Variants in CAPN12 observed in about 807,000 individuals in gnomAD.
CAPN12 encodes the protein calpain-12.
CAPN12 carries 107 observed loss-of-function variants against 95.0 expected under a neutral mutation model. The ratio of observed to expected loss-of-function variants is 1.13; its 90% confidence interval spans 0.96 to 1.32. CAPN12 has a LOEUF of 1.32. Ranked by LOEUF, CAPN12 falls within the 40% of genes most tolerant of loss-of-function variation. The pLI is 0.00. For missense variants in CAPN12, 1,136 were observed against 997.8 expected (o/e 1.14, Z -1.87); for synonymous variants, 505 against 415.5 (o/e 1.22, Z -2.62).
rs145436226 is a variant in CAPN12, at chr19:38,743,949, C to T, written c.217G>A (p.Val73Met). Reference protein sequence around the residue: ...LGPDSEKAKGVKWMRPHEFCA... With the variant: ...LGPDSEKAKGMKWMRPHEFCA... ...TTTACATGGGGCCTCATCCATTTCACGCCTTTGGCCTTCTCCGAGTCCGGC... is the reference window on the plus strand; with the variant it reads ...TTTACATGGGGCCTCATCCATTTCATGCCTTTGGCCTTCTCCGAGTCCGGC... Residue 73 changes from valine (V) to methionine (M), a missense_variant, in exon 1 of 21, where the codon GTG becomes ATG. Transcript: ENST00000328867. 249 of 1,614,208 alleles carry T rather than the reference C, an allele frequency of 1.5e-4. 1 individual carries two copies. The highest frequency in any genetic ancestry group is 1.9e-4 in the Non-Finnish European group (229 of 1,180,020).
In CAPN12 at chr19:38,744,432, G is replaced by A. The variant is rs1053110516; in HGVS notation, c.-267C>T. ...GGAGAGAAGGCGGGCAGAGCTGAGGGAGGACCGGCTGCCGCTGTCAGAGCA... is the reference window on the plus strand; with the variant it reads ...GGAGAGAAGGCGGGCAGAGCTGAGGAAGGACCGGCTGCCGCTGTCAGAGCA... On this transcript the variant is annotated 5_prime_UTR_variant, in exon 1 of 21. Coordinates refer to ENST00000328867, the MANE Select transcript of CAPN12 (RefSeq NM_144691.4). 8 of 544,636 alleles carry A rather than the reference G, an allele frequency of 1.5e-5. No homozygotes were observed. Among genetic ancestry groups the A allele is most frequent in the African/African-American group, 9.4e-5 (5 of 52,928 alleles). 33.7% of individuals were successfully genotyped at this position (544,636 alleles called of 1,614,324 possible). A position where few individuals can be genotyped will look rare whatever the true frequency, so the allele number is the denominator to read the frequency against.
In CAPN12 at chr19:38,741,785, G is replaced by A; in HGVS notation, c.552C>T (p.Ala184=). 6.2e-7 allele frequency: 1 copy of A among 1,613,984 alleles called. No homozygotes were observed. The part of the protein sequence containing the change: ...NEFWAPLLEK[A]YAKLHGSYEV... Reference sequence around the variant, plus strand: ...GGAACTGGGGTCCTCACTTGGCGTAGGCCTTCTCCAGGAGTGGGGCCCAGA... The same window carrying A: ...GGAACTGGGGTCCTCACTTGGCGTAAGCCTTCTCCAGGAGTGGGGCCCAGA... Residue 184 remains alanine, a synonymous_variant, in exon 4 of 21, where the codon GCC becomes GCT. Transcript: ENST00000328867.
Position 38,735,365 on chromosome 19 carries a change from C to G in CAPN12, c.1686+5G>C, listed in dbSNP as rs1458194709. 37 of 1,586,126 alleles carry G rather than the reference C, an allele frequency of 2.3e-5. No homozygotes were observed. The highest frequency in any genetic ancestry group is 2.8e-5 in the Non-Finnish European group (33 of 1,164,302). On this transcript the variant is annotated splice_donor_5th_base_variant and intron_variant, in intron 14 of 20. Coordinates refer to ENST00000328867, the MANE Select transcript of CAPN12 (RefSeq NM_144691.4). ...ATACCCCCTCAGTCCAATCCCCCTC[C>G]TCACCTCTCCAGCCAGCTCCTGAAA...
intron 1 of CAPN12, 109 bp from the exon 2 acceptor site, chr19:38,743,211 G>C: frequency 7.9e-7 from 1 of 1,270,934 alleles, no homozygotes; most frequent in Non-Finnish European, 1.1e-6. Context: ...CCTGTGGGCA[G>C]GAGCATGGCT....
In CAPN12 at chr19:38,738,660, A is replaced by C. The variant is rs1400789497; in HGVS notation, c.730-12T>G. Reference sequence around the variant, plus strand: ...TCACCCCGATCACTCTGGGCAGGGGATGGGATGGTGAGGCCAAGGTAGGGG... The same window carrying C: ...TCACCCCGATCACTCTGGGCAGGGGCTGGGATGGTGAGGCCAAGGTAGGGG... On this transcript the variant is annotated splice_polypyrimidine_tract_variant and intron_variant, in intron 5 of 20. Transcript: ENST00000328867. The C allele has an allele frequency of 6.2e-7, 1 of 1,613,474 alleles. No homozygotes were observed. The highest frequency in any genetic ancestry group is 1.3e-5 in the African/African-American group (1 of 74,964).
Position 38,740,056 on chromosome 19 carries a change from C to A in CAPN12, c.724G>T (p.Ala242Ser). ...LAKESLVGAT[A>S]LSDRGEYRTE... Reference sequence around the variant, plus strand: ...TGCGAGTCCAGGTCTCTTACCAGGGCAGTGGCGCCCACGAGGGACTCCTTG... The same window carrying A: ...TGCGAGTCCAGGTCTCTTACCAGGGAAGTGGCGCCCACGAGGGACTCCTTG... Residue 242 changes from alanine (A) to serine (S), a missense_variant, in exon 5 of 21, where the codon GCC becomes TCC. Transcript: ENST00000328867. 6.3e-7 allele frequency: 1 copy of A among 1,585,712 alleles called. No individual in the cohort carries two copies. Among genetic ancestry groups the A allele is most frequent in the Non-Finnish European group, 8.6e-7 (1 of 1,165,090 alleles).
intron 14 of CAPN12, 54 bp downstream of exon 14, chr19:38,735,316 T>A: frequency 1.3e-6 from 2 of 1,481,872 alleles, no homozygotes. Flanking sequence ...GGAAGGGGGG[T>A]CCCCAAGGGG....
intron 18 of CAPN12, 71 bp downstream of exon 18, chr19:38,733,632 G>A: frequency 1.5e-6 from 2 of 1,368,736 alleles, no homozygotes; most frequent in Non-Finnish European, 2.1e-6. Flanking sequence ...GCTGAGCAGG[G>A]GGACTTGGAG....
intron 10 of CAPN12, chr19:38,736,784 G>A (rs1410726076): frequency 3.3e-6 from 2 of 605,196 alleles, no homozygotes; most frequent in Non-Finnish European, 5.7e-6. Flanking sequence ...CTGTATCCTT[G>A]GTCCCCTCTG....
intron 5 of CAPN12, chr19:38,739,008 A>C (rs1970390528): frequency 3.0e-6 from 1 of 332,930 alleles, no homozygotes; most frequent in Admixed American, 4.6e-5. Flanking sequence ...GGTGCACACC[A>C]GTGGTCCCAG....
intron 18 of CAPN12, among the ~76,000 whole-genome samples, chr19:38,731,986 G>A (rs149157707): frequency 0.024 from 3,585 of 152,358 alleles, 74 homozygotes; most frequent in Admixed American, 0.059. Context: ...CTCGGGCATA[G>A]GGGTGGAGGC....
chr19:38,740,355 C>G (rs1323298625), intron 4 of CAPN12, 136 bp from the exon 5 acceptor site: 9 of 970,976 alleles, frequency 9.3e-6, no homozygotes, highest in Non-Finnish European at 1.2e-5. Context: ...AGACTTTTTC[C>G]AGGGTCACCC....
intron 6 of CAPN12, 34 bp from the exon 7 acceptor site, chr19:38,738,537 G>A: frequency 1.2e-6 from 2 of 1,613,744 alleles, no homozygotes; most frequent in Non-Finnish European, 1.7e-6. Context: ...GTGATGCCTG[G>A]ACATGGCCTG....
Position 38,736,601 on chromosome 19 carries a change from A to C in CAPN12, c.1363-38T>G, listed in dbSNP as rs755800505. ...AGAGCAAGGGGCGTCGGGGCAGGGG[A>C]GAGGTGGCCGCCGCTCAGGGTCTCC... On this transcript the variant is annotated intron_variant, in intron 10 of 20. Coordinates refer to ENST00000328867, the MANE Select transcript of CAPN12 (RefSeq NM_144691.4). 3.2e-6 allele frequency: 5 copies of C among 1,585,080 alleles called. No individual in the cohort carries two copies. In the Admixed American group the frequency reaches 5.3e-5, roughly 17 times the overall value.
chr19:38,736,578 A>AGGGGAGAGAGGGGCGTCGGG lies in CAPN12; in HGVS notation c.1363-16_1363-15insCCCGACGCCCCTCTCTCCCC. 1.2e-6 allele frequency: 2 copies of AGGGGAGAGAGGGGCGTCGGG among 1,604,688 alleles called. No individual in the cohort carries two copies. Among genetic ancestry groups the AGGGGAGAGAGGGGCGTCGGG allele is most frequent in the Non-Finnish European group, 1.7e-6 (2 of 1,176,272 alleles). ...TCCTCTGGAATCTGAAAGAAGCAAG[A>AGGGGAGAGAGGGGCGTCGGG]GCAAGGGGCGTCGGGGCAGGGGAGA... On this transcript the variant is annotated splice_polypyrimidine_tract_variant and intron_variant, in intron 10 of 20. Transcript: ENST00000328867.
In CAPN12 at chr19:38,734,309, C is replaced by G. The variant is rs372915460; in HGVS notation, c.1815+10G>C. ...CTCCCTCCCTCACCCAGGCACTGCC[C>G]CCCATGTACCCCGAAACACTGCAGC... On this transcript the variant is annotated intron_variant, in intron 16 of 20. Transcript: ENST00000328867. 6 of 1,605,368 alleles carry G rather than the reference C, an allele frequency of 3.7e-6. No individual in the cohort carries two copies. Among genetic ancestry groups the G allele is most frequent in the Non-Finnish European group, 5.1e-6 (6 of 1,175,212 alleles).
chr19:38,736,587 C>T (rs1318420885), intron 10 of CAPN12, 24 bp from the exon 11 acceptor site: 10 of 1,602,950 alleles, frequency 6.2e-6, no homozygotes, highest in Admixed American at 5.1e-5. Context: ...GAGCAAGGGG[C>T]GTCGGGGCAG....
intron 5 of CAPN12, 137 bp downstream of exon 5, chr19:38,739,914 T>C: frequency 1.1e-6 from 1 of 875,460 alleles, no homozygotes; most frequent in Non-Finnish European, 1.6e-6. Flanking sequence ...AATTTATTTT[T>C]GACTAGTTAG....
rs1227475471 is a variant in CAPN12 at position 38,733,692 on chromosome 19, C to T, written c.1957+11G>A. On this transcript the variant is annotated intron_variant, in intron 18 of 20. Transcript: ENST00000328867. ...CCTGTCCCCACGACCACCCCAGGAC[C>T]CTGTCCACACCTGCTGCATTCAGTG... 1.9e-6 allele frequency: 3 copies of T among 1,612,604 alleles called. No homozygotes were observed. Among genetic ancestry groups the T allele is most frequent in the Non-Finnish European group, 1.7e-6 (2 of 1,179,458 alleles).
Sources: allele counts gnomAD v4.1 joint callset (sites outside exome capture counted in the v4.1 genomes callset), GRCh38; gene constraint gnomAD v4.1.1; transcripts MANE v1.5; gene names NCBI Gene and HGNC (gene_info 2026-07-23, HGNC 2026-07-21).